CAB39L: variants seen among roughly 807,000 people sequenced by gnomAD.
The protein encoded by CAB39L is calcium binding protein 39 like, also known as calcium-binding protein 39-like.
CAB39L carries 23 observed loss-of-function variants against 39.1 expected under a neutral mutation model. That is an observed-to-expected ratio of 0.59 (90% CI 0.42 to 0.83). CAB39L has a LOEUF of 0.83. CAB39L is among the 40% of genes least tolerant of loss of function. The probability of loss-of-function intolerance (pLI) is 0.00; values close to 1 mark genes in which losing one functional copy is unlikely to be tolerated. For synonymous variants in CAB39L, 126 were observed against 137.2 expected (o/e 0.92, Z 0.57); for missense variants, 366 against 391.9 (o/e 0.93, Z 0.56).
At chr13:49,369,749 G>A (rs1036010017) in intron 5 of CAB39L, among the ~76,000 whole-genome samples, 1 of 151,906 alleles carries the variant, frequency 6.6e-6, no homozygotes, top group African/African-American at 2.4e-5. Flanking sequence ...CACCACACCC[G>A]GCTAATTTTT....
At chr13:49,388,703 G>A (rs1341965843) in intron 3 of CAB39L, among the ~76,000 whole-genome samples, 1 of 152,174 alleles carries the variant, frequency 6.6e-6, no homozygotes, top group African/African-American at 2.4e-5. Flanking sequence ...GGCAGAACAT[G>A]TGGGAGGGTG....
intron 4 of CAB39L, among the ~76,000 whole-genome samples, chr13:49,379,792 T>C (rs912909469): frequency 2.6e-5 from 4 of 151,738 alleles, no homozygotes; most frequent in Admixed American, 1.3e-4. Context: ...AAAATTTATT[T>C]ATATAAAACA....
rs74809764 is a variant in CAB39L at position 49,361,620 on chromosome 13, C to T, written c.277-1788G>A. Among the ~76,000 whole-genome samples the T allele has an allele frequency of 3.3e-3, 506 of 151,918 alleles. 6 individuals carry two copies. In the East Asian group the frequency reaches 0.039, roughly 12 times the overall value. On this transcript the variant is annotated intron_variant, in intron 5 of 10. Transcript: ENST00000409308. ...CCAATACCCTTCAATGACTTGACAG[C>T]AGCCAACTTTTCCAGTCTCATCAGC...
chr13:49,411,814 C>T (rs886776566), intron 3 of CAB39L, among the ~76,000 whole-genome samples: 1 of 152,086 alleles, frequency 6.6e-6, no homozygotes, highest in Non-Finnish European at 1.5e-5. Flanking sequence ...GAGGAACATT[C>T]GAGCCCCCAG....
intron 10 of CAB39L, among the ~76,000 whole-genome samples, chr13:49,329,542 AAAATATATATATATATATATATAT>A (rs1473226593): frequency 1.0e-4 from 4 of 38,428 alleles, no homozygotes; most frequent in African/African-American, 5.8e-4. Flanking sequence ...ATTAAAAAAA[AAAATATATATATATATATATATAT>A]ATATATATAT....
At chr13:49,315,359 T>C (rs1353653508) in intron 10 of CAB39L, among the ~76,000 whole-genome samples, 1 of 152,010 alleles carries the variant, frequency 6.6e-6, no homozygotes, top group Non-Finnish European at 1.5e-5. Context: ...TTCCTAAGCT[T>C]CTGCTTGGTG....
At chr13:49,394,679 A>G (rs989570826) in intron 3 of CAB39L, among the ~76,000 whole-genome samples, 9 of 152,176 alleles carry the variant, frequency 5.9e-5, no homozygotes, top group Non-Finnish European at 1.2e-4. Context: ...GAACATTAGC[A>G]TATGTCACAG....
intron 3 of CAB39L, among the ~76,000 whole-genome samples, chr13:49,388,807 A>C (rs766212241): frequency 6.6e-6 from 1 of 152,182 alleles, no homozygotes; most frequent in African/African-American, 2.4e-5. Flanking sequence ...AAAATCTCCA[A>C]GAAAAGATGG....
At chr13:49,422,435 A>G (rs990936392) in intron 3 of CAB39L, among the ~76,000 whole-genome samples, 4 of 152,198 alleles carry the variant, frequency 2.6e-5, no homozygotes, top group African/African-American at 9.6e-5. Context: ...TTAGTTGGGC[A>G]TAATGGCATT....
rs112439363 is a variant in CAB39L at position 49,368,948 on chromosome 13, C to G, written c.276+8019G>C. ...GAAAACACCCACTTCAAAACACAAG[C>G]CATTGACTTTTATATAGAATATATA... is the stretch of plus-strand genomic sequence containing the variant. On this transcript the variant is annotated intron_variant, in intron 5 of 10. Transcript: ENST00000409308. Among the ~76,000 whole-genome samples the G allele has an allele frequency of 4.6e-3, 692 of 151,994 alleles. 9 individuals carry two copies. The highest frequency in any genetic ancestry group is 0.016 in the African/African-American group (669 of 41,454).
chr13:49,403,921 T>C (rs1435585406), intron 3 of CAB39L, among the ~76,000 whole-genome samples: 5 of 151,788 alleles, frequency 3.3e-5, no homozygotes, highest in Admixed American at 6.6e-5. Flanking sequence ...AGAAAAAAAG[T>C]TTAAAAAAAT....
In CAB39L at chr13:49,377,083, A is replaced by G; in HGVS notation, c.160T>C (p.Cys54Arg). ...KSLQAMKEIL[C>R]GTNEKEPPTE... ...GGGGGTTCTTTCTCGTTTGTACCAC[A>G]CAGAATTTCTTTCATTGCTTGCAGT... Residue 54 changes from cysteine (C) to arginine (R), a missense_variant, in exon 5 of 11, where the codon TGT (cysteine) becomes CGT (arginine). Transcript: ENST00000409308. 3 of 1,613,654 alleles carry G rather than the reference A, an allele frequency of 1.9e-6. No homozygotes were observed. Among genetic ancestry groups the G allele is most frequent in the Non-Finnish European group, 2.5e-6 (3 of 1,179,632 alleles).
At chr13:49,416,333 A>G (rs1346139627) in intron 3 of CAB39L, among the ~76,000 whole-genome samples, 1 of 152,214 alleles carries the variant, frequency 6.6e-6, no homozygotes, top group African/African-American at 2.4e-5. Flanking sequence ...AATACGGCTA[A>G]CACAAAAACC....
intron 5 of CAB39L, among the ~76,000 whole-genome samples, chr13:49,361,583 A>G (rs9535209): frequency 2.6e-4 from 21 of 82,020 alleles, no homozygotes; most frequent in African/African-American, 8.1e-5. Context: ...GAAAGAAAGA[A>G]AGAGAGAAAG....
chr13:49,340,340 G>A (rs1954973510), intron 8 of CAB39L, among the ~76,000 whole-genome samples: 1 of 152,156 alleles, frequency 6.6e-6, no homozygotes, highest in Non-Finnish European at 1.5e-5. Context: ...GGGAGGTTCA[G>A]CATTCACTTC....
intron 6 of CAB39L, among the ~76,000 whole-genome samples, chr13:49,351,424 A>T (rs1320731913): frequency 6.6e-6 from 1 of 152,122 alleles, no homozygotes; most frequent in Non-Finnish European, 1.5e-5. Flanking sequence ...GGAGGAATAA[A>T]GCCTGTGTGA....
intron 4 of CAB39L, 120 bp from the exon 5 acceptor site, chr13:49,377,251 G>C (rs1956095696): frequency 9.9e-6 from 7 of 709,526 alleles, no homozygotes; most frequent in Middle Eastern, 4.5e-4. Context: ...TATAATGAAT[G>C]GCACAGTTAC....
chr13:49,380,403 A>G (rs1480982865), intron 4 of CAB39L, among the ~76,000 whole-genome samples: 2 of 110,994 alleles, frequency 1.8e-5, no homozygotes, highest in Non-Finnish European at 3.8e-5. Context: ...CTTTTTTGCT[A>G]TCTATGAAAC....
chr13:49,353,313 G>A (rs905407179), intron 6 of CAB39L, among the ~76,000 whole-genome samples: 2 of 152,138 alleles, frequency 1.3e-5, no homozygotes, highest in African/African-American at 2.4e-5. Context: ...AAATGTAAAG[G>A]AGAAAAGCAC....
Sources: gnomAD v4.1 joint callset for allele counts (sites outside exome capture counted in the v4.1 genomes callset) on GRCh38, gnomAD v4.1.1 for gene constraint, MANE v1.5 for transcripts, NCBI Gene and HGNC (gene_info 2026-07-23, HGNC 2026-07-21) for gene names.